The following CSMD1 variants were observed in gnomAD, a reference collection of about 807,000 sequenced individuals.
CSMD1 encodes the protein CUB and Sushi multiple domains 1.
CSMD1 carries 213 observed loss-of-function variants against 417.5 expected under a neutral mutation model. The ratio of observed to expected loss-of-function variants is 0.51; its 90% CI spans 0.46 to 0.57. The LOEUF (loss-of-function observed/expected upper bound fraction) is 0.57, where lower values mean the gene tolerates loss of function less well. CSMD1 is among the 20% of genes least tolerant of loss of function. The pLI is 0.00. For missense variants in CSMD1, 6,923 were observed against 4,529.7 expected (o/e 1.53, Z -15.17); for synonymous variants, 2,862 against 1,736.8 (o/e 1.65, Z -16.11).
At chr8:4,180,537 C>T (rs1369995949) in intron 3 of CSMD1, among the ~76,000 whole-genome samples, 2 of 151,500 alleles carry the variant, frequency 1.3e-5, no homozygotes, top group African/African-American at 4.9e-5. Flanking sequence ...TGTAACTAAC[C>T]TGCACATTGT....
At chr8:3,341,422 G>A (rs1333986168) in intron 23 of CSMD1, among the ~76,000 whole-genome samples, 1 of 152,170 alleles carries the variant, frequency 6.6e-6, no homozygotes, top group Non-Finnish European at 1.5e-5. Flanking sequence ...GAGACCAAGT[G>A]TTTACAAATG....
At chr8:4,925,623 T>G (rs7460957) in intron 1 of CSMD1, among the ~76,000 whole-genome samples, 1 of 151,206 alleles carries the variant, frequency 6.6e-6, no homozygotes, top group African/African-American at 2.4e-5. Flanking sequence ...CTCGGCTCAC[T>G]GCAAGCTCTG....
chr8:4,948,817 G>A (rs928625841), intron 1 of CSMD1, among the ~76,000 whole-genome samples: 6 of 152,032 alleles, frequency 3.9e-5, no homozygotes, highest in African/African-American at 4.8e-5. Flanking sequence ...CCCCTAGAAT[G>A]GAGCTGCAGC....
intron 2 of CSMD1, among the ~76,000 whole-genome samples, chr8:4,440,139 A>C (rs985457795): frequency 1.3e-5 from 2 of 152,178 alleles, no homozygotes; most frequent in Non-Finnish European, 2.9e-5. Flanking sequence ...GCTTTGGTGT[A>C]AATTTCTTGC....
chr8:4,202,988 C>G (rs1309496443), intron 3 of CSMD1, among the ~76,000 whole-genome samples: 6 of 152,154 alleles, frequency 3.9e-5, no homozygotes, highest in Non-Finnish European at 1.5e-5. Flanking sequence ...CCAAAGATGT[C>G]TGCATCGTAA....
intron 18 of CSMD1, among the ~76,000 whole-genome samples, chr8:3,374,390 T>G (rs548154345): frequency 1.3e-5 from 2 of 152,204 alleles, no homozygotes; most frequent in African/African-American, 4.8e-5. Flanking sequence ...CTTCTGGGCA[T>G]AGAACAATGA....
chr8:4,460,654 AAGAAGAAGACTG>A (rs879290886), intron 2 of CSMD1, among the ~76,000 whole-genome samples: 10,506 of 152,138 alleles, frequency 0.069, 28 homozygotes, highest in African/African-American at 0.22. Flanking sequence ...ACAGATATTT[AAGAAGAAGACTG>A]TAAGAGAATT....
chr8:4,776,327 A>C (rs1225522674), intron 1 of CSMD1, among the ~76,000 whole-genome samples: 1 of 152,200 alleles, frequency 6.6e-6, no homozygotes, highest in African/African-American at 2.4e-5. Flanking sequence ...TAATATTAAT[A>C]TGAAAATATT....
At position 4,636,369 on chromosome 8, in the gene CSMD1, C is replaced by G. The variant is rs1298460177; in HGVS notation, c.302+973G>C. Among the ~76,000 whole-genome samples, 3 of 152,178 alleles carry G rather than the reference C, an allele frequency of 2.0e-5. No individual in the cohort carries two copies. In the East Asian group the frequency reaches 5.8e-4, roughly 29 times the overall value. ...TGTTTTGCTTTCTTCATTGTAAAAA[C>G]TATAGATCAAAAGAGAAAACAAATT... On this transcript the variant is annotated intron_variant, in intron 2 of 69. Transcript: ENST00000635120.
chr8:4,649,178 C>T (rs1803726242), intron 1 of CSMD1, among the ~76,000 whole-genome samples: 1 of 152,126 alleles, frequency 6.6e-6, no homozygotes, highest in African/African-American at 2.4e-5. Flanking sequence ...AAGGCAGATA[C>T]CTTTATTATA....
chr8:3,212,658 T>A (rs531075296), intron 30 of CSMD1, among the ~76,000 whole-genome samples: 2 of 152,154 alleles, frequency 1.3e-5, no homozygotes, highest in Admixed American at 6.5e-5. Context: ...CTGGCCTAAG[T>A]TCTTACTCTG....
At chr8:4,947,775 G>A (rs956767285) in intron 1 of CSMD1, among the ~76,000 whole-genome samples, 1 of 151,928 alleles carries the variant, frequency 6.6e-6, no homozygotes, top group Non-Finnish European at 1.5e-5. Flanking sequence ...ACTTGAATTT[G>A]CATTTTTTCA....
chr8:3,427,281 C>T (rs1318335912), intron 12 of CSMD1, among the ~76,000 whole-genome samples: 2 of 152,122 alleles, frequency 1.3e-5, no homozygotes, highest in Non-Finnish European at 2.9e-5. Flanking sequence ...CATCGCAAAC[C>T]ACAAAATGAC....
At chr8:4,006,981 C>A (rs1488019673) in intron 4 of CSMD1, among the ~76,000 whole-genome samples, 1 of 151,884 alleles carries the variant, frequency 6.6e-6, no homozygotes, top group African/African-American at 2.4e-5. Context: ...GCACACACCA[C>A]CACACCCGGC....
At chr8:3,822,035 C>T (rs761487275) in intron 5 of CSMD1, among the ~76,000 whole-genome samples, 5 of 152,152 alleles carry the variant, frequency 3.3e-5, no homozygotes, top group African/African-American at 4.8e-5. Flanking sequence ...GAACACCATG[C>T]GGTCTGACAT....
At chr8:4,222,147 A>C (rs1438589894) in intron 3 of CSMD1, among the ~76,000 whole-genome samples, 1 of 152,074 alleles carries the variant, frequency 6.6e-6, no homozygotes, top group Non-Finnish European at 1.5e-5. Flanking sequence ...ACCTTCACAG[A>C]GCCTTACCAC....
rs1031649627 is a variant in CSMD1 at position 3,178,125 on chromosome 8, A to C, written c.5725+2985T>G. Among the ~76,000 whole-genome samples the C allele has an allele frequency of 2.6e-5, 4 of 152,306 alleles. No individual in the cohort carries two copies. The East Asian group carries it at 5.8e-4, about 22-fold the overall frequency. ...CAGAGGATTCTGTAAGATCCCTGAG[A>C]CTGTAGATCATATACATTAAACCAG... On this transcript the variant is annotated intron_variant, in intron 37 of 69. Coordinates refer to ENST00000635120, the MANE Select transcript of CSMD1 (RefSeq NM_033225.6).
intron 2 of CSMD1, among the ~76,000 whole-genome samples, chr8:4,438,054 G>T (rs1324361739): frequency 6.6e-6 from 1 of 152,156 alleles, no homozygotes. Context: ...AGCTATGAAG[G>T]AACAGCCAAT....
chr8:4,319,019 G>A (rs1340059327), intron 3 of CSMD1, among the ~76,000 whole-genome samples: 2 of 152,110 alleles, frequency 1.3e-5, no homozygotes, highest in Non-Finnish European at 2.9e-5. Flanking sequence ...GTCTAACAAA[G>A]CGGCTTGAAG....
Sources: allele counts gnomAD v4.1 joint callset (sites outside exome capture counted in the v4.1 genomes callset), GRCh38; gene constraint gnomAD v4.1.1; transcripts MANE v1.5; gene names NCBI Gene and HGNC (gene_info 2026-07-23, HGNC 2026-07-21).